The following TRIM9 variants were observed in gnomAD, a reference collection of about 807,000 sequenced individuals.
TRIM9 encodes E3 ubiquitin-protein ligase TRIM9.
TRIM9 carries 26 observed loss-of-function variants against 78.3 expected under a neutral mutation model. That is an observed-to-expected ratio of 0.33 (90% CI 0.24 to 0.46). The LOEUF (loss-of-function observed/expected upper bound fraction) is 0.46. Ranked by LOEUF, TRIM9 falls within the 20% of genes least tolerant of loss-of-function variation. The pLI is 1.00. For synonymous variants in TRIM9, 398 were observed against 416.5 expected (o/e 0.96, Z 0.54); for missense variants, 787 against 1,036.4 (o/e 0.76, Z 3.30).
At chr14:51,044,646 C>T (rs2059810066) in intron 1 of TRIM9, among the ~76,000 whole-genome samples, 1 of 152,176 alleles carries the variant, frequency 6.6e-6, no homozygotes, top group South Asian at 2.1e-4. Context: ...AAGAAGTAAC[C>T]TAAGTCCCGG....
chr14:51,029,513 G>A (rs1037567351), intron 1 of TRIM9, among the ~76,000 whole-genome samples: 4 of 152,172 alleles, frequency 2.6e-5, no homozygotes, highest in African/African-American at 7.2e-5. Context: ...AGGGAAGGCC[G>A]CCAAGGAGAA....
intron 7 of TRIM9, among the ~76,000 whole-genome samples, chr14:50,991,483 C>T (rs1315186932): frequency 6.6e-6 from 1 of 152,146 alleles, no homozygotes; most frequent in East Asian, 1.9e-4. Flanking sequence ...GCATATTCTT[C>T]TAACTATTTT....
intron 7 of TRIM9, chr14:50,997,610 G>C: frequency 3.0e-6 from 3 of 1,011,884 alleles, no homozygotes; most frequent in Non-Finnish European, 2.4e-6. Flanking sequence ...TCCACGACTG[G>C]AAAGAACCTA....
At chr14:51,046,032 A>G (rs1238930775) in intron 1 of TRIM9, among the ~76,000 whole-genome samples, 1 of 152,186 alleles carries the variant, frequency 6.6e-6, no homozygotes, top group East Asian at 1.9e-4. Flanking sequence ...TGAAAATATA[A>G]TGTTCGTTGG....
In TRIM9 at chr14:50,977,254, G is replaced by T; in HGVS notation, c.*37C>A. 7.0e-7 allele frequency: 1 copy of T among 1,427,376 alleles called. No individual in the cohort carries two copies. The allele number at this position is 1,427,376 out of a possible 1,614,324, so 88.4% of individuals were successfully genotyped here. A position where few individuals can be genotyped will look rare whatever the true frequency, so the allele number is the denominator to read the frequency against. ...CCTTGCTGTGGCTCTCGCAGGCGGA[G>T]GTAAGAACAGGCAGCTGGCGCCTCC... On this transcript the variant is annotated 3_prime_UTR_variant, in exon 13 of 13. Transcript: ENST00000684578.
At chr14:51,039,892 G>A (rs947530121) in intron 1 of TRIM9, among the ~76,000 whole-genome samples, 8 of 151,724 alleles carry the variant, frequency 5.3e-5, no homozygotes, top group African/African-American at 9.7e-5. Flanking sequence ...GACTACAGGC[G>A]CCCGCCACCA....
intron 1 of TRIM9, among the ~76,000 whole-genome samples, chr14:51,076,421 C>T (rs939196247): frequency 2.0e-5 from 3 of 152,174 alleles, no homozygotes; most frequent in Admixed American, 1.3e-4. Context: ...GACTTTCCCT[C>T]GTTCCCAGGG....
At chr14:50,980,628 A>G (rs1414414480) in intron 11 of TRIM9, among the ~76,000 whole-genome samples, 1 of 152,250 alleles carries the variant, frequency 6.6e-6, no homozygotes, top group Non-Finnish European at 1.5e-5. Flanking sequence ...TCACTCCTGC[A>G]CTTCAAAACA....
At chr14:51,049,954 A>C (rs148641553) in intron 1 of TRIM9, among the ~76,000 whole-genome samples, 1 of 152,142 alleles carries the variant, frequency 6.6e-6, no homozygotes, top group African/African-American at 2.4e-5. Flanking sequence ...GGGTGCATTA[A>C]GAGTGGAAAG....
At position 50,983,383 on chromosome 14, in the gene TRIM9, A is replaced by C. The variant is rs776987772; in HGVS notation, c.1831T>G (p.Leu611Val). The C allele has an allele frequency of 1.0e-5, 16 of 1,542,224 alleles. No individual in the cohort carries two copies. The highest frequency in any genetic ancestry group is 1.4e-5 in the African/African-American group (1 of 73,084). Reference protein sequence around the residue: ...FETQSAPYSQLVDIKKLLAVA... With the variant: ...FETQSAPYSQVVDIKKLLAVA... ...TAATTACAATAGGTATACTTGCCTA[A>C]TTGAGAGTAAGGTGCAGATTGTGTC... The change falls in exon 9 of 13, where the codon TTA becomes GTA. Residue 611 changes from leucine (L) to valine (V), a missense_variant. Leu to Val is a conservative substitution (Grantham distance 32). Coordinates refer to ENST00000684578, the MANE Select transcript of TRIM9 (RefSeq NM_001387360.1).
chr14:50,979,454 C>A lies in TRIM9; in HGVS notation c.2258G>T (p.Gly753Val), dbSNP rs372593890. 1.9e-6 allele frequency: 3 copies of A among 1,614,076 alleles called. No homozygotes were observed. The highest frequency in any genetic ancestry group is 1.7e-5 in the Admixed American group (1 of 60,000). ...LTFFINDEQQ[G>V]PIAFDNVEGL... ...CTCCACGTTATCAAATGCTATGGGACCTTGTTGTTCATCGTTGATAAAAAA... is the reference window on the plus strand; with the variant it reads ...CTCCACGTTATCAAATGCTATGGGAACTTGTTGTTCATCGTTGATAAAAAA... The change falls in exon 12 of 13, where the codon GGT becomes GTT. Residue 753 changes from glycine to valine, a missense_variant. This residue lies in a region of TRIM9 where 421 missense variants were observed against 514.3 expected (regional missense o/e 0.82). Coordinates refer to ENST00000684578, the MANE Select transcript of TRIM9 (RefSeq NM_001387360.1).
chr14:51,057,895 C>A (rs549225486), intron 1 of TRIM9, among the ~76,000 whole-genome samples: 1 of 152,252 alleles, frequency 6.6e-6, no homozygotes, highest in East Asian at 1.9e-4. Context: ...ACAAGTTTAT[C>A]CACTAAAGAT....
rs147653500 is a variant in TRIM9, at chr14:51,051,200, T to C, written c.823-25840A>G. Reference sequence around the variant, plus strand: ...AAATATTATCATACCCAGATAACTATAGGAAACCTTCGTTGTTCCTGAAAA... The same window carrying C: ...AAATATTATCATACCCAGATAACTACAGGAAACCTTCGTTGTTCCTGAAAA... On this transcript the variant is annotated intron_variant, in intron 1 of 12. Coordinates refer to ENST00000684578, the MANE Select transcript of TRIM9 (RefSeq NM_001387360.1). Among the ~76,000 whole-genome samples the C allele has an allele frequency of 1.1e-4, 16 of 152,342 alleles. No individual in the cohort carries two copies. In the East Asian group the frequency reaches 2.5e-3, roughly 24 times the overall value.
chr14:51,070,193 T>C (rs2062096199), intron 1 of TRIM9, among the ~76,000 whole-genome samples: 1 of 152,242 alleles, frequency 6.6e-6, no homozygotes, highest in Non-Finnish European at 1.5e-5. Flanking sequence ...AAGGCTGCAA[T>C]GCTTGGGGAG....
Position 51,009,337 on chromosome 14 carries a change from G to T in TRIM9, c.1153-104C>A. The T allele has an allele frequency of 2.8e-6, 4 of 1,418,510 alleles. No individual in the cohort carries two copies. In the South Asian group the frequency reaches 5.2e-5, roughly 18 times the overall value. The allele number at this position is 1,418,510 out of a possible 1,614,324, so 87.9% of individuals were successfully genotyped here. On this transcript the variant is annotated intron_variant, in intron 4 of 12. Transcript: ENST00000684578. ...GAGCATTACTCCCAAACTGCCTTGAGGACTCATACTCTGACTGCCTCAGTG... is the reference window on the plus strand; with the variant it reads ...GAGCATTACTCCCAAACTGCCTTGATGACTCATACTCTGACTGCCTCAGTG...
intron 1 of TRIM9, among the ~76,000 whole-genome samples, chr14:51,076,709 A>T (rs958421446): frequency 7.9e-5 from 12 of 152,118 alleles, no homozygotes; most frequent in African/African-American, 2.2e-4. Context: ...CATTCCTTTC[A>T]TCTTCGCAAC....
At chr14:51,006,485 T>G (rs987229239) in intron 5 of TRIM9, among the ~76,000 whole-genome samples, 2 of 152,212 alleles carry the variant, frequency 1.3e-5, no homozygotes, top group Non-Finnish European at 2.9e-5. Context: ...TGTCATGACC[T>G]TTGGCTTTTT....
At chr14:50,996,501 T>A in intron 7 of TRIM9, 1 of 985,436 alleles carries the variant, frequency 1.0e-6, no homozygotes, top group Non-Finnish European at 1.2e-6. Context: ...ATAGAAATAG[T>A]TTTCCCGCAG....
Position 51,019,484 on chromosome 14 carries a change from C to G in TRIM9, c.1041+3351G>C, listed in dbSNP as rs2057540353. On this transcript the variant is annotated intron_variant, in intron 3 of 12. Transcript: ENST00000684578. ...TTTTGCTTTTTTTTAGCTCATCAAA[C>G]TTTGTGAACTATTTTATACAATGAT... 2.0e-5 allele frequency among the ~76,000 whole-genome samples: 3 copies of G among 152,230 alleles called. No homozygotes were observed. The South Asian group carries it at 6.2e-4, about 32-fold the overall frequency.
Sources: gnomAD v4.1 joint callset for allele counts (sites outside exome capture counted in the v4.1 genomes callset) on GRCh38, gnomAD v4.1.1 for gene constraint, gnomAD v4.1.1 regional missense constraint, MANE v1.5 for transcripts, NCBI Gene and HGNC (gene_info 2026-07-23, HGNC 2026-07-21) for gene names.